Variants in PHC3 observed in about 807,000 individuals in gnomAD.
PHC3 encodes polyhomeotic homolog 3.
PHC3 carries 13 observed loss-of-function variants against 107.4 expected under a neutral mutation model. That is an observed-to-expected ratio of 0.12 (90% CI 0.08 to 0.19). PHC3 has a LOEUF of 0.19. PHC3 is among the 10% of genes least tolerant of loss of function. The probability of loss-of-function intolerance (pLI) is 1.00; values close to 1 mark genes in which losing one functional copy is unlikely to be tolerated. For synonymous variants in PHC3, 456 were observed against 427.4 expected (o/e 1.07, Z -0.83); for missense variants, 992 against 1,210.9 (o/e 0.82, Z 2.68).
chr3:170,172,988 C>G (rs1168997438), intron 2 of PHC3, among the ~76,000 whole-genome samples: 1 of 151,974 alleles, frequency 6.6e-6, no homozygotes, highest in Non-Finnish European at 1.5e-5. Context: ...GTCAGGAGAT[C>G]AAGACCATCC....
chr3:170,123,073 T>C (rs1176757753), intron 8 of PHC3, among the ~76,000 whole-genome samples: 1 of 152,174 alleles, frequency 6.6e-6, no homozygotes, highest in Non-Finnish European at 1.5e-5. Flanking sequence ...AATTCAACTG[T>C]TTTTGTTAAC....
chr3:170,126,192 G>A (rs1045476789), intron 8 of PHC3, among the ~76,000 whole-genome samples: 9 of 151,930 alleles, frequency 5.9e-5, no homozygotes, highest in Middle Eastern at 3.4e-3. Context: ...TTAAGTGTTT[G>A]AAACAACCAG....
intron 4 of PHC3, among the ~76,000 whole-genome samples, chr3:170,151,432 GA>G (rs1266480972): frequency 6.6e-6 from 1 of 152,042 alleles, no homozygotes; most frequent in Non-Finnish European, 1.5e-5. Flanking sequence ...GAAAAAATCA[GA>G]ATATACAGCA....
rs1222718405 is a variant in PHC3, at chr3:170,092,129, A to C, written c.*5101T>G. 5 of 152,206 alleles carry C rather than the reference A, an allele frequency of 3.3e-5. No homozygotes were observed. The highest frequency in any genetic ancestry group is 1.2e-4 in the African/African-American group (5 of 41,408). The allele number at this position is 152,206 out of a possible 1,614,324, so 9.4% of individuals were successfully genotyped here. On this transcript the variant is annotated 3_prime_UTR_variant, in exon 15 of 15. Coordinates refer to ENST00000495893, the MANE Select transcript of PHC3 (RefSeq NM_024947.4). Reference sequence around the variant, plus strand: ...ATTCTCCTGTCTCAGCCTCCCAAGTAGCTGGAATTACAGGTGCATGCCACC... The same window carrying C: ...ATTCTCCTGTCTCAGCCTCCCAAGTCGCTGGAATTACAGGTGCATGCCACC...
chr3:170,124,293 TCC>T (rs1353531176), intron 8 of PHC3, among the ~76,000 whole-genome samples: 1 of 152,244 alleles, frequency 6.6e-6, no homozygotes, highest in Non-Finnish European at 1.5e-5. Context: ...AGAGTTCATT[TCC>T]CTTCTTTTAT....
intron 7 of PHC3, among the ~76,000 whole-genome samples, chr3:170,133,606 G>C (rs190630086): frequency 6.6e-6 from 1 of 152,282 alleles, no homozygotes; most frequent in African/African-American, 2.4e-5. Context: ...AAGTAGTTCA[G>C]GATTTTCTGC....
chr3:170,178,703 A>G (rs1262275815), intron 2 of PHC3, 70 bp downstream of exon 2: 2 of 1,507,528 alleles, frequency 1.3e-6, no homozygotes, highest in African/African-American at 2.8e-5. Flanking sequence ...AACAATACAT[A>G]AATCCAGCTT....
chr3:170,123,787 C>A (rs1720821211), intron 8 of PHC3, among the ~76,000 whole-genome samples: 1 of 151,426 alleles, frequency 6.6e-6, no homozygotes, highest in African/African-American at 2.4e-5. Flanking sequence ...AGTGAGACTC[C>A]ATCTCAAAAA....
chr3:170,097,406 G>A lies in PHC3; in HGVS notation c.2834-22C>T, dbSNP rs1213094566. The A allele has an allele frequency of 6.2e-7, 1 of 1,606,580 alleles. No individual in the cohort carries two copies. The highest frequency in any genetic ancestry group is 8.5e-7 in the Non-Finnish European group (1 of 1,175,182). On this transcript the variant is annotated intron_variant, in intron 14 of 14. Transcript: ENST00000495893. The surrounding 1 kb of genome is among the most constrained non-coding windows in gnomAD (Gnocchi z 4.1). The stretch of plus-strand genomic sequence containing the variant: ...CAGCCTGGAATTTGACCAGAGGACA[G>A]AAGTTAGAATTAAATATACAACAAT...
At chr3:170,160,801 G>A (rs1447284875) in intron 4 of PHC3, among the ~76,000 whole-genome samples, 2 of 152,156 alleles carry the variant, frequency 1.3e-5, no homozygotes, top group Admixed American at 1.3e-4. Flanking sequence ...CAGTTACTCA[G>A]GAGGCTGAGG....
chr3:170,095,564 A>G lies in PHC3; in HGVS notation c.*1666T>C, dbSNP rs182340257. On this transcript the variant is annotated 3_prime_UTR_variant, in exon 15 of 15. Coordinates refer to ENST00000495893, the MANE Select transcript of PHC3 (RefSeq NM_024947.4). ...TTTAGTCTTCTACCAGCTCAACACA[A>G]TCTTTTTGAAAAGAGCAGTGAAAAT... 6.6e-6 allele frequency: 1 copy of G among 152,180 alleles called. No individual in the cohort carries two copies. The highest frequency in any genetic ancestry group is 6.6e-5 in the Admixed American group (1 of 15,188). The allele number at this position is 152,180 out of a possible 1,614,324, so 9.4% of individuals were successfully genotyped here. A position where few individuals can be genotyped will look rare whatever the true frequency, so the allele number is the denominator to read the frequency against.
In PHC3 at chr3:170,171,428, G is replaced by A; in HGVS notation, c.359C>T (p.Pro120Leu). 1.9e-6 allele frequency: 3 copies of A among 1,603,922 alleles called. No individual in the cohort carries two copies. The highest frequency in any genetic ancestry group is 2.6e-6 in the Non-Finnish European group (3 of 1,176,380). Residue 120 changes from proline (P) to leucine (L), a missense_variant, in exon 4 of 15, where the codon CCA (proline) becomes CTA (leucine). Coordinates refer to ENST00000495893, the MANE Select transcript of PHC3 (RefSeq NM_024947.4). ...GACACTTCCTGTGGGAGATGTAGATGGTCTTCCACTGGACAAACTTGCCTA... is the reference window on the plus strand; with the variant it reads ...GACACTTCCTGTGGGAGATGTAGATAGTCTTCCACTGGACAAACTTGCCTA... ...AVQASLSSGR[P>L]STSPTGSVTQ... is the part of the protein sequence containing the mutation.
intron 8 of PHC3, among the ~76,000 whole-genome samples, chr3:170,124,249 T>G (rs868704109): frequency 1.3e-5 from 2 of 152,224 alleles, no homozygotes; most frequent in Admixed American, 1.3e-4. Context: ...TTAACCATTA[T>G]TTATGAAAAA....
chr3:170,118,092 G>A (rs1719409860), intron 9 of PHC3, among the ~76,000 whole-genome samples: 1 of 152,180 alleles, frequency 6.6e-6, no homozygotes, highest in Admixed American at 6.5e-5. Flanking sequence ...TACTAAAATG[G>A]TTGCTTGGTT....
intron 2 of PHC3, chr3:170,176,976 C>T: frequency 2.3e-6 from 1 of 426,462 alleles, no homozygotes; most frequent in Non-Finnish European, 4.7e-6. Context: ...AGTGGAAGGT[C>T]CATGCCCTTT....
At chr3:170,101,347 G>A (rs1410660809) in intron 14 of PHC3, among the ~76,000 whole-genome samples, 2 of 152,062 alleles carry the variant, frequency 1.3e-5, no homozygotes, top group Admixed American at 6.6e-5. Flanking sequence ...AGTGGGTGAC[G>A]GATTCTTTAC....
At chr3:170,140,584 C>CTTTT (rs57137783) in intron 6 of PHC3, among the ~76,000 whole-genome samples, 10 of 69,590 alleles carry the variant, frequency 1.4e-4, no homozygotes, top group East Asian at 5.1e-4. Context: ...ATTTCTTTTT[C>CTTTT]TTTTTTTTTT....
rs767468948 is a variant in PHC3 at position 170,117,347 on chromosome 3, G to A, written c.2072C>T (p.Thr691Ile). 5 of 1,613,782 alleles carry A rather than the reference G, an allele frequency of 3.1e-6. No homozygotes were observed. Among genetic ancestry groups the A allele is most frequent in the Non-Finnish European group, 4.2e-6 (5 of 1,179,868 alleles). ...ACTGGGAATGCTACTGTGCATAGAT[G>A]TACTGTTACTCCTTGTGGTGGCAGC... ...LPAATTRSNS[T>I]SMHSSIPSIE... Residue 691 changes from threonine (T) to isoleucine (I), a missense_variant, in exon 10 of 15, where the codon ACA becomes ATA. Physicochemically the swap from Thr to Ile is moderately conservative, Grantham distance 89 (BLOSUM62 -1). This residue lies in a region of PHC3 where 543 missense variants were observed against 590.8 expected (regional missense o/e 0.92). Transcript: ENST00000495893.
At chr3:170,163,682 G>A (rs540917925) in intron 4 of PHC3, among the ~76,000 whole-genome samples, 2 of 152,050 alleles carry the variant, frequency 1.3e-5, no homozygotes, top group South Asian at 4.2e-4. Context: ...GGCCAACATG[G>A]TGAAACCCCA....
Sources: gnomAD v4.1 joint callset for allele counts (sites outside exome capture counted in the v4.1 genomes callset) on GRCh38, gnomAD v4.1.1 for gene constraint, gnomAD v4.1.1 regional missense constraint, Gnocchi (gnomAD v3.1) non-coding constraint, MANE v1.5 for transcripts, NCBI Gene and HGNC (gene_info 2026-07-23, HGNC 2026-07-21) for gene names.